Variants in GAD2 observed in about 807,000 individuals in gnomAD.
GAD2 encodes glutamate decarboxylase 2, also known as 65 kDa glutamic acid decarboxylase.
GAD2 carries 22 observed loss-of-function variants against 80.1 expected under a neutral mutation model. The observed-to-expected ratio is 0.27, with a 90% CI of 0.20 to 0.39. The LOEUF is 0.39. GAD2 is among the 10% of genes least tolerant of loss of function. The pLI is 1.00. For missense variants in GAD2, 624 were observed against 738.4 expected (o/e 0.85, Z 1.80); for synonymous variants, 274 against 256.9 (o/e 1.07, Z -0.64).
chr10:26,227,375 GA>G (rs1321496248), intron 6 of GAD2, among the ~76,000 whole-genome samples: 3 of 152,222 alleles, frequency 2.0e-5, no homozygotes, highest in Non-Finnish European at 4.4e-5. Context: ...TGGAGGCCCA[GA>G]AGCCTCTTTC....
At chr10:26,220,124 C>A (rs1411961337) in intron 4 of GAD2, among the ~76,000 whole-genome samples, 1 of 152,074 alleles carries the variant, frequency 6.6e-6, no homozygotes, top group Non-Finnish European at 1.5e-5. Context: ...TCTTGATTAC[C>A]CTCGCTTTTT....
intron 7 of GAD2, among the ~76,000 whole-genome samples, chr10:26,241,611 C>T (rs1017204398): frequency 4.0e-5 from 6 of 151,372 alleles, no homozygotes; most frequent in African/African-American, 1.5e-4. Context: ...ATTTTCCTAA[C>T]AAAACTTTCC....
intron 8 of GAD2, among the ~76,000 whole-genome samples, chr10:26,246,905 T>G (rs549462734): frequency 4.6e-5 from 7 of 151,894 alleles, no homozygotes; most frequent in Non-Finnish European, 1.0e-4. Context: ...AAATTAGGAG[T>G]GAGCTGGACA....
At chr10:26,252,553 G>T (rs1016154626) in intron 8 of GAD2, among the ~76,000 whole-genome samples, 6 of 151,996 alleles carry the variant, frequency 3.9e-5, no homozygotes, top group African/African-American at 1.4e-4. Flanking sequence ...ATGTCACCAT[G>T]TTGGCCAGGC....
At chr10:26,230,460 G>C (rs991428630) in intron 7 of GAD2, among the ~76,000 whole-genome samples, 3 of 151,286 alleles carry the variant, frequency 2.0e-5, no homozygotes, top group Non-Finnish European at 4.4e-5. Flanking sequence ...AGACAATCTC[G>C]CTATGTCACC....
intron 7 of GAD2, among the ~76,000 whole-genome samples, chr10:26,241,940 C>A (rs1043390353): frequency 6.6e-6 from 1 of 151,898 alleles, no homozygotes; most frequent in African/African-American, 2.4e-5. Flanking sequence ...TCTTGTTGGC[C>A]TTGCAGATAC....
intron 7 of GAD2, among the ~76,000 whole-genome samples, chr10:26,230,223 G>A (rs978256521): frequency 5.3e-5 from 8 of 152,104 alleles, no homozygotes; most frequent in Non-Finnish European, 1.0e-4. Context: ...TCGCTTCTGC[G>A]CAATCAAGTT....
intron 8 of GAD2, among the ~76,000 whole-genome samples, chr10:26,264,075 T>C (rs1241601487): frequency 6.6e-6 from 1 of 152,218 alleles, no homozygotes; most frequent in Non-Finnish European, 1.5e-5. Context: ...ATACTACTGC[T>C]AATAACAATG....
At chr10:26,222,558 C>T (rs972631783) in intron 4 of GAD2, among the ~76,000 whole-genome samples, 4 of 152,150 alleles carry the variant, frequency 2.6e-5, no homozygotes, top group Admixed American at 6.5e-5. Flanking sequence ...AAAGCCTTCT[C>T]ACCCTTCGTG....
intron 7 of GAD2, among the ~76,000 whole-genome samples, chr10:26,230,363 T>C (rs1217348892): frequency 1.3e-5 from 2 of 152,172 alleles, no homozygotes; most frequent in African/African-American, 4.8e-5. Flanking sequence ...ATACAGTTTT[T>C]CTGTTTGAAA....
At chr10:26,254,356 C>A (rs908315067) in intron 8 of GAD2, among the ~76,000 whole-genome samples, 6 of 152,210 alleles carry the variant, frequency 3.9e-5, no homozygotes, top group Non-Finnish European at 7.3e-5. Flanking sequence ...ATCCGCAGTT[C>A]ACAGCAGGGT....
At chr10:26,264,258 G>A (rs1845042190) in intron 8 of GAD2, among the ~76,000 whole-genome samples, 1 of 150,242 alleles carries the variant, frequency 6.7e-6, no homozygotes, top group Non-Finnish European at 1.5e-5. Flanking sequence ...AGTACACACA[G>A]TTAGCATATA....
intron 11 of GAD2, among the ~76,000 whole-genome samples, chr10:26,276,892 C>G (rs551535092): frequency 4.6e-5 from 7 of 152,184 alleles, no homozygotes; most frequent in Admixed American, 1.3e-4. Flanking sequence ...GAACCTCTGT[C>G]ATAGGCAAGC....
intron 15 of GAD2, among the ~76,000 whole-genome samples, chr10:26,298,936 G>T (rs1308693216): frequency 6.6e-6 from 1 of 152,060 alleles, no homozygotes; most frequent in African/African-American, 2.4e-5. Flanking sequence ...TTTATTCCCT[G>T]GGATGAGTCC....
intron 7 of GAD2, among the ~76,000 whole-genome samples, chr10:26,239,129 G>A (rs1844710327): frequency 6.6e-6 from 1 of 152,218 alleles, no homozygotes; most frequent in Non-Finnish European, 1.5e-5. Context: ...CCCACAAAGG[G>A]TGTTGGAACA....
At chr10:26,219,345 A>G (rs1242766854) in intron 4 of GAD2, 69 bp downstream of exon 4, 1 of 1,084,698 alleles carries the variant, frequency 9.2e-7, no homozygotes, top group South Asian at 1.7e-5. Flanking sequence ...TTTTCTATAA[A>G]ATGTTTTGTT....
chr10:26,275,398 TTC>T (rs1845188483), intron 11 of GAD2, among the ~76,000 whole-genome samples: 1 of 152,184 alleles, frequency 6.6e-6, no homozygotes, highest in East Asian at 1.9e-4. Flanking sequence ...ACCCACACGA[TTC>T]TGTACCAAAG....
chr10:26,300,637 C>A, intron 15 of GAD2, 151 bp from the exon 16 acceptor site: 1 of 674,144 alleles, frequency 1.5e-6, no homozygotes, highest in Non-Finnish European at 2.6e-6. Context: ...TTCTCTGATC[C>A]CAAGAAAACT....
intron 13 of GAD2, among the ~76,000 whole-genome samples, chr10:26,287,843 G>C (rs1039278940): frequency 6.6e-6 from 1 of 152,112 alleles, no homozygotes; most frequent in Middle Eastern, 3.2e-3. Context: ...ATGCTTGGTG[G>C]AGTGGATATA....
Sources: gnomAD v4.1 joint callset for allele counts (sites outside exome capture counted in the v4.1 genomes callset) on GRCh38, gnomAD v4.1.1 for gene constraint, MANE v1.5 for transcripts, NCBI Gene and HGNC (gene_info 2026-07-23, HGNC 2026-07-21) for gene names.